TTLL11: variants seen among roughly 807,000 people sequenced by gnomAD.
The protein encoded by TTLL11 is tubulin polyglutamylase TTLL11.
Under a neutral mutation model 51.7 loss-of-function variants are expected in TTLL11, and 42 were observed. The ratio of observed to expected loss-of-function variants is 0.81; its 90% CI spans 0.64 to 1.05. TTLL11 has a LOEUF of 1.05. Among genes scored for constraint, TTLL11 ranks in the 50% least tolerant of loss-of-function variants. The probability of loss-of-function intolerance (pLI) is 0.00; values close to 1 mark genes in which losing one functional copy is unlikely to be tolerated. For synonymous variants in TTLL11, 381 were observed against 383.5 expected (o/e 0.99, Z 0.08); for missense variants, 799 against 940.4 (o/e 0.85, Z 1.97).
intron 3 of TTLL11, among the ~76,000 whole-genome samples, chr9:122,004,924 T>C (rs137959215): frequency 6.6e-6 from 1 of 152,304 alleles, no homozygotes; most frequent in Non-Finnish European, 1.5e-5. Context: ...CAGTGCCAAG[T>C]ACAATGCCAG....
chr9:121,878,216 T>C lies in TTLL11; in HGVS notation c.1482-7468A>G, dbSNP rs142064004. ...AAAGCAGGAGGATGGAGCCTACGCC[T>C]AGCACAAAACGGCCACATTGTTTAG... On this transcript the variant is annotated intron_variant, in intron 6 of 8. Transcript: ENST00000321582. Among the ~76,000 whole-genome samples, 8 of 152,268 alleles carry C rather than the reference T, an allele frequency of 5.3e-5. No individual in the cohort carries two copies. The East Asian group carries it at 1.5e-3, about 29-fold the overall frequency.
At chr9:121,843,719 T>C (rs987108385) in intron 8 of TTLL11, among the ~76,000 whole-genome samples, 9 of 152,132 alleles carry the variant, frequency 5.9e-5, no homozygotes, top group African/African-American at 2.2e-4. Flanking sequence ...GTCACCCAGG[T>C]TGGAGTGCAG....
intron 8 of TTLL11, among the ~76,000 whole-genome samples, chr9:121,839,933 C>T (rs913681051): frequency 6.6e-5 from 10 of 152,130 alleles, no homozygotes; most frequent in African/African-American, 2.4e-4. Flanking sequence ...AGATCAGTGT[C>T]AAAAATAAGA....
chr9:122,040,242 G>T, intron 1 of TTLL11: 1 of 463,518 alleles, frequency 2.2e-6, no homozygotes, highest in Non-Finnish European at 2.8e-6. Flanking sequence ...TAGAAACTCA[G>T]ACTGAGTGGC....
At chr9:122,086,203 G>C (rs1024683483) in intron 1 of TTLL11, among the ~76,000 whole-genome samples, 1 of 152,178 alleles carries the variant, frequency 6.6e-6, no homozygotes, top group Non-Finnish European at 1.5e-5. Flanking sequence ...GCTTGAATGT[G>C]AGCCCCTTGA....
intron 1 of TTLL11, among the ~76,000 whole-genome samples, chr9:122,083,052 T>C: frequency 6.6e-6 from 1 of 152,116 alleles, no homozygotes; most frequent in East Asian, 1.9e-4. Context: ...AAATAAAATA[T>C]GTGTATATTT....
chr9:121,956,944 A>G (rs1462896982), intron 6 of TTLL11, among the ~76,000 whole-genome samples: 1 of 152,090 alleles, frequency 6.6e-6, no homozygotes, highest in African/African-American at 2.4e-5. Context: ...CGCCTTGCTG[A>G]CCTCAGCAGG....
At chr9:121,908,044 GAGA>G in intron 6 of TTLL11, among the ~76,000 whole-genome samples, 1 of 152,286 alleles carries the variant, frequency 6.6e-6, no homozygotes, top group South Asian at 2.1e-4. Flanking sequence ...TAAAGAAGAA[GAGA>G]AGGAGTAGGT....
chr9:121,926,961 G>A (rs10985453), intron 6 of TTLL11, among the ~76,000 whole-genome samples: 25,699 of 152,002 alleles, frequency 0.17, 2,245 homozygotes, highest in Middle Eastern at 0.21. Flanking sequence ...TGAGAGCCTC[G>A]CACGGTGGAA....
chr9:121,896,316 G>A (rs1839523612), intron 6 of TTLL11, among the ~76,000 whole-genome samples: 1 of 152,190 alleles, frequency 6.6e-6, no homozygotes, highest in Non-Finnish European at 1.5e-5. Context: ...GGGCTAGGTG[G>A]CTTTAGCCTA....
At chr9:121,923,766 T>C (rs1840621777) in intron 6 of TTLL11, among the ~76,000 whole-genome samples, 1 of 152,204 alleles carries the variant, frequency 6.6e-6, no homozygotes, top group South Asian at 2.1e-4. Context: ...TCTCTTTCGC[T>C]CCCAGGAAAG....
At chr9:121,829,017 G>T (rs532910157) in intron 8 of TTLL11, among the ~76,000 whole-genome samples, 114 of 151,982 alleles carry the variant, frequency 7.5e-4, no homozygotes, top group African/African-American at 2.7e-3. Flanking sequence ...GAGTGCAGTG[G>T]CATGATCTTG....
intron 7 of TTLL11, among the ~76,000 whole-genome samples, chr9:121,866,599 G>A (rs1838181718): frequency 1.3e-5 from 2 of 148,768 alleles, no homozygotes; most frequent in South Asian, 4.2e-4. Flanking sequence ...GGTGGAGGTT[G>A]CAGTGAACAG....
chr9:122,086,695 G>A (rs1363057560), intron 1 of TTLL11, among the ~76,000 whole-genome samples: 1 of 152,312 alleles, frequency 6.6e-6, no homozygotes, highest in South Asian at 2.1e-4. Context: ...TGCTCCCTCT[G>A]CCAGGCAGGA....
chr9:121,950,599 G>A (rs574463637), intron 6 of TTLL11, among the ~76,000 whole-genome samples: 5 of 152,222 alleles, frequency 3.3e-5, no homozygotes, highest in South Asian at 2.1e-4. Context: ...GGCTTCTCCC[G>A]GGGACACTTG....
intron 6 of TTLL11, among the ~76,000 whole-genome samples, chr9:121,905,057 C>T (rs1588114052): frequency 1.3e-5 from 2 of 152,328 alleles, no homozygotes; most frequent in South Asian, 4.1e-4. Context: ...GCCCTCAGAA[C>T]GTGCTGGCCT....
intron 5 of TTLL11, among the ~76,000 whole-genome samples, chr9:121,974,538 A>G (rs1842652592): frequency 6.6e-6 from 1 of 152,058 alleles, no homozygotes; most frequent in Non-Finnish European, 1.5e-5. Context: ...TATCTTAGTG[A>G]TTCAAGTATG....
At position 121,989,136 on chromosome 9, in the gene TTLL11, A is replaced by G; in HGVS notation, c.1269+59T>C. ...GATCACTCATCCTACACGAAGCCAG[A>G]GAGCCCTCTTGAGGCCGGTCAAGGC... is the stretch of plus-strand genomic sequence containing the variant. On this transcript the variant is annotated intron_variant, in intron 4 of 8. Transcript: ENST00000321582. The surrounding 1 kb of genome is among the most constrained non-coding windows in gnomAD (Gnocchi z 4.2). The G allele has an allele frequency of 1.3e-6, 2 of 1,588,814 alleles. No individual in the cohort carries two copies. Among genetic ancestry groups the G allele is most frequent in the East Asian group, 4.5e-5 (2 of 44,592 alleles).
chr9:121,979,019 CAGAT>C (rs142247189), intron 4 of TTLL11, among the ~76,000 whole-genome samples: 18,702 of 152,152 alleles, frequency 0.12, 1,310 homozygotes, highest in Middle Eastern at 0.19. Flanking sequence ...TTGTTTCTAA[CAGAT>C]AGAATAGGGC....
Sources: allele counts gnomAD v4.1 joint callset (sites outside exome capture counted in the v4.1 genomes callset), GRCh38; gene constraint gnomAD v4.1.1; non-coding constraint Gnocchi (gnomAD v3.1); transcripts MANE v1.5; gene names NCBI Gene and HGNC (gene_info 2026-07-23, HGNC 2026-07-21).